ITGA11: variants seen among roughly 807,000 people sequenced by gnomAD.
ITGA11 encodes integrin subunit alpha 11, also known as integrin alpha-11.
A neutral mutation model predicts 141.9 loss-of-function variants in ITGA11; 97 were observed. The ratio of observed to expected loss-of-function variants is 0.68; its 90% confidence interval spans 0.58 to 0.81. The LOEUF (loss-of-function observed/expected upper bound fraction) is 0.81, where lower values mean the gene tolerates loss of function less well. Among genes scored for constraint, ITGA11 ranks in the 30% least tolerant of loss-of-function variants. The pLI is 0.00. For synonymous variants in ITGA11, 658 were observed against 624.6 expected (o/e 1.05, Z -0.80); for missense variants, 1,387 against 1,559.2 (o/e 0.89, Z 1.86).
At chr15:68,408,665 C>T (rs1896701771) in intron 1 of ITGA11, among the ~76,000 whole-genome samples, 1 of 152,102 alleles carries the variant, frequency 6.6e-6, no homozygotes, top group South Asian at 2.1e-4. Context: ...CTTGAAGGGC[C>T]ATGTGGAGGA....
At chr15:68,319,527 G>A (rs574015070) in intron 20 of ITGA11, among the ~76,000 whole-genome samples, 2 of 152,314 alleles carry the variant, frequency 1.3e-5, no homozygotes, top group Admixed American at 1.3e-4. Flanking sequence ...CAGGAGGTGG[G>A]TGAGATGGGC....
At position 68,310,991 on chromosome 15, in the gene ITGA11, C is replaced by T; in HGVS notation, c.3174+3G>A. 1.3e-6 allele frequency: 2 copies of T among 1,596,886 alleles called. No homozygotes were observed. Among genetic ancestry groups the T allele is most frequent in the Admixed American group, 1.7e-5 (1 of 58,092 alleles). On this transcript the variant is annotated splice_donor_region_variant and intron_variant, in intron 26 of 29. Transcript: ENST00000315757. ...TGTGGCTCTCGGTCTGGGGGACACT[C>T]ACCAGCTGTGGAGCACGACGCAAGT... is the stretch of plus-strand genomic sequence containing the variant.
intron 20 of ITGA11, among the ~76,000 whole-genome samples, chr15:68,319,773 G>C (rs1037080703): frequency 6.6e-6 from 1 of 152,108 alleles, no homozygotes; most frequent in African/African-American, 2.4e-5. Context: ...TGTTCCCAAA[G>C]GGCTCAGACT....
At chr15:68,366,916 C>T (rs1483804674) in intron 3 of ITGA11, among the ~76,000 whole-genome samples, 4 of 152,164 alleles carry the variant, frequency 2.6e-5, no homozygotes, top group African/African-American at 9.7e-5. Context: ...TTAGCCTTCC[C>T]TGGAGAAAAA....
intron 1 of ITGA11, among the ~76,000 whole-genome samples, chr15:68,415,108 C>A (rs780260331): frequency 2.6e-5 from 4 of 152,210 alleles, no homozygotes; most frequent in Non-Finnish European, 5.9e-5. Flanking sequence ...CCTGGGTGGA[C>A]TGCTTGTCTC....
chr15:68,350,481 TGCCTG>T, intron 9 of ITGA11, 131 bp downstream of exon 9: 3 of 821,932 alleles, frequency 3.6e-6, no homozygotes, highest in Non-Finnish European at 3.7e-6. Context: ...TGAGTCACCA[TGCCTG>T]GCCTGGCATT....
In ITGA11 at chr15:68,352,320, G is replaced by A. The variant is rs868464314; in HGVS notation, c.750-918C>T. Among the ~76,000 whole-genome samples, 5 of 151,684 alleles carry A rather than the reference G, an allele frequency of 3.3e-5. No individual in the cohort carries two copies. The South Asian group carries it at 1.0e-3, about 32-fold the overall frequency. On this transcript the variant is annotated intron_variant, in intron 7 of 29. Coordinates refer to ENST00000315757, the MANE Select transcript of ITGA11 (RefSeq NM_001004439.2). ...CGATTCTCGTGCCTCAGTCTCCTAA[G>A]TAGCTGGGATTAGAGAGCTCTGCCA...
chr15:68,403,956 G>A (rs1208587553), intron 1 of ITGA11, among the ~76,000 whole-genome samples: 3 of 152,122 alleles, frequency 2.0e-5, no homozygotes, highest in Non-Finnish European at 4.4e-5. Flanking sequence ...CATAAAACCT[G>A]CTCTCAAAGA....
chr15:68,405,159 C>CGTTTTTTTTTTTTTTTTTTTTT (rs10647873), intron 1 of ITGA11, among the ~76,000 whole-genome samples: 1 of 118,942 alleles, frequency 8.4e-6, no homozygotes. Context: ...CACTGTCTCC[C>CGTTTTTTTTTTTTTTTTTTTTT]TTTTTTTTTT....
chr15:68,371,409 C>G (rs1276267514), intron 2 of ITGA11, among the ~76,000 whole-genome samples: 2 of 152,116 alleles, frequency 1.3e-5, no homozygotes, highest in Non-Finnish European at 2.9e-5. Context: ...GCAGCATGTT[C>G]TAGATTAGAA....
Position 68,302,812 on chromosome 15 carries a change from G to C in ITGA11, c.*247C>G, listed in dbSNP as rs563703512. ...TTGGCATGGGCCTGGGTGTGTGTAG[G>C]GGTGTCCCTTTAAATCCCTAGGGGT... is the stretch of plus-strand genomic sequence containing the variant. On this transcript the variant is annotated 3_prime_UTR_variant, in exon 30 of 30. Coordinates refer to ENST00000315757, the MANE Select transcript of ITGA11 (RefSeq NM_001004439.2). The C allele has an allele frequency of 2.0e-6, 1 of 499,266 alleles. No homozygotes were observed. The highest frequency in any genetic ancestry group is 3.5e-6 in the Non-Finnish European group (1 of 283,162). The allele number at this position is 499,266 out of a possible 1,614,324, so 30.9% of individuals were successfully genotyped here.
intron 7 of ITGA11, among the ~76,000 whole-genome samples, chr15:68,354,339 T>C (rs538438028): frequency 1.3e-5 from 2 of 152,276 alleles, no homozygotes; most frequent in African/African-American, 2.4e-5. Context: ...TCACACCACA[T>C]TGTTCAGGGG....
intron 2 of ITGA11, among the ~76,000 whole-genome samples, chr15:68,394,762 T>C (rs1470787755): frequency 2.0e-5 from 3 of 152,108 alleles, no homozygotes; most frequent in East Asian, 3.8e-4. Flanking sequence ...ATAGATCTTA[T>C]AGACATTGAA....
At chr15:68,369,324 G>A (rs1180703595) in intron 2 of ITGA11, 40 bp from the exon 3 acceptor site, 3 of 1,257,412 alleles carry the variant, frequency 2.4e-6, no homozygotes, top group East Asian at 9.0e-5. Context: ...ATTGGGGGAG[G>A]TACTCTTTCC....
chr15:68,328,127 G>A lies in ITGA11; in HGVS notation c.2037C>T (p.Phe679=). 3 of 1,613,882 alleles carry A rather than the reference G, an allele frequency of 1.9e-6. No homozygotes were observed. The highest frequency in any genetic ancestry group is 2.5e-6 in the Non-Finnish European group (3 of 1,179,878). The change falls in exon 16 of 30, where the codon TTC becomes TTT. Residue 679 remains phenylalanine, a synonymous_variant. Transcript: ENST00000315757. The surrounding 1 kb of genome is among the most constrained non-coding windows in gnomAD (Gnocchi z 4.8). The part of the protein sequence containing the change: ...LAAFLCFTPI[F]LAPHFQTTTV... ...TTGTTGTTTGGAAATGGGGTGCCAG[G>A]AAGATGGGCGTGAAGCAGAGGAAGG...
rs148497635 is a variant in ITGA11 at position 68,336,083 on chromosome 15, C to T, written c.1277-238G>A. The T allele has an allele frequency of 1.3e-3, 743 of 572,510 alleles. 4 individuals carry two copies. In the African/African-American group the frequency reaches 0.013, roughly 10 times the overall value. The allele number at this position is 572,510 out of a possible 1,614,324, so 35.5% of individuals were successfully genotyped here. A position where few individuals can be genotyped will look rare whatever the true frequency, so the allele number is the denominator to read the frequency against. Reference sequence around the variant, plus strand: ...GGGAGAACTCACTGCACCCCAGCCCCTGCTGGAGAAAATAAAGGAAGCCAG... The same window carrying T: ...GGGAGAACTCACTGCACCCCAGCCCTTGCTGGAGAAAATAAAGGAAGCCAG... On this transcript the variant is annotated intron_variant, in intron 11 of 29. Coordinates refer to ENST00000315757, the MANE Select transcript of ITGA11 (RefSeq NM_001004439.2).
In ITGA11 at chr15:68,305,089, C is replaced by T. The variant is rs190146877; in HGVS notation, c.3382-1204G>A. On this transcript the variant is annotated intron_variant, in intron 28 of 29. Transcript: ENST00000315757. This position sits in a 1 kb window ranked among gnomAD's most constrained non-coding sequence, Gnocchi z 4.6. ...CCTGGCCTGCAAGGCCCTCCCCTCT[C>T]GGGTCCCACCTGTCTTGCTGACCTC... Among the ~76,000 whole-genome samples, 41 of 152,376 alleles carry T rather than the reference C, an allele frequency of 2.7e-4. No individual in the cohort carries two copies. The highest frequency in any genetic ancestry group is 6.5e-4 in the African/African-American group (27 of 41,600).
rs548823214 is a variant in ITGA11 at position 68,304,360 on chromosome 15, T to A, written c.3382-475A>T. 9.8e-5 allele frequency among the ~76,000 whole-genome samples: 15 copies of A among 152,338 alleles called. No individual in the cohort carries two copies. The highest frequency in any genetic ancestry group is 3.4e-4 in the African/African-American group (14 of 41,588). On this transcript the variant is annotated intron_variant, in intron 28 of 29. Coordinates refer to ENST00000315757, the MANE Select transcript of ITGA11 (RefSeq NM_001004439.2). This position sits in a 1 kb window ranked among gnomAD's most constrained non-coding sequence, Gnocchi z 6.1. Reference sequence around the variant, plus strand: ...GGCCCATAACACTTTTAGGAGCCCATGAAAATGTTTACATTTCTTTTAAAA... The same window carrying A: ...GGCCCATAACACTTTTAGGAGCCCAAGAAAATGTTTACATTTCTTTTAAAA...
In ITGA11 at chr15:68,331,877, G is replaced by A. The variant is rs779667803; in HGVS notation, c.1752C>T (p.Ile584=). The stretch of plus-strand genomic sequence containing the variant: ...GCCTGACCTGCTTAGGTGTCTTCAG[G>A]ATGCTGCCTCGGAAGCCGTGGAAGA... ...IYIFHGFRGS[I]LKTPKQRITA... is the part of the protein sequence containing the mutation. Residue 584 remains isoleucine (I), a synonymous_variant, in exon 14 of 30, where the codon ATC becomes ATT. Transcript: ENST00000315757. 5 of 1,612,416 alleles carry A rather than the reference G, an allele frequency of 3.1e-6. No homozygotes were observed. The highest frequency in any genetic ancestry group is 2.2e-5 in the East Asian group (1 of 44,842).
Sources: allele counts gnomAD v4.1 joint callset (sites outside exome capture counted in the v4.1 genomes callset), GRCh38; gene constraint gnomAD v4.1.1; non-coding constraint Gnocchi (gnomAD v3.1); transcripts MANE v1.5; gene names NCBI Gene and HGNC (gene_info 2026-07-23, HGNC 2026-07-21).